SH3BGR: variants seen among roughly 807,000 people sequenced by gnomAD.
The protein encoded by SH3BGR is SH3 domain-binding glutamic acid-rich protein.
In SH3BGR, 29 loss-of-function variants were observed where a neutral mutation model predicts 24.5. The observed-to-expected ratio is 1.18, with a 90% CI of 0.88 to 1.61. SH3BGR has a LOEUF of 1.61. SH3BGR is among the 40% of genes most tolerant of loss of function. SH3BGR has a pLI of 0.00. For missense variants in SH3BGR, 162 were observed against 205.8 expected (o/e 0.79, Z 1.30); for synonymous variants, 55 against 65.7 (o/e 0.84, Z 0.79).
chr21:39,447,077 G>A (rs972496239), upstream of SH3BGR: 4 of 152,066 alleles, frequency 2.6e-5, no homozygotes, highest in Non-Finnish European at 2.9e-5. Context: ...TCCTTAGGTA[G>A]GGAATTATCC....
rs56979320 is a variant in SH3BGR at position 39,491,158 on chromosome 21, TTTTA to T, written c.313-8645_313-8642del. Among the ~76,000 whole-genome samples, 363 of 149,978 alleles carry T rather than the reference TTTTA, an allele frequency of 2.4e-3. 1 individual carries two copies. The highest frequency in any genetic ancestry group is 8.3e-3 in the African/African-American group (343 of 41,356). On this transcript the variant is annotated intron_variant, in intron 3 of 6. Coordinates refer to ENST00000333634, the MANE Select transcript of SH3BGR (RefSeq NM_007341.3). ...TCTTTATTTTTTCTATTGGCCTCCATTTTATTTATTTATTTATTTATTTTATTTT... is the reference window on the plus strand; with the variant it reads ...TCTTTATTTTTTCTATTGGCCTCCATTTTATTTATTTATTTATTTTATTTT...
intron 3 of SH3BGR, among the ~76,000 whole-genome samples, chr21:39,498,209 C>G (rs2078431474): frequency 6.6e-6 from 1 of 151,974 alleles, no homozygotes; most frequent in East Asian, 1.9e-4. Flanking sequence ...CTTAAAATAG[C>G]TTTTATGTAT....
At chr21:39,492,466 G>GTGTATATATA (rs1404293146) in intron 3 of SH3BGR, among the ~76,000 whole-genome samples, 51 of 139,770 alleles carry the variant, frequency 3.6e-4, no homozygotes, top group African/African-American at 1.3e-3. Context: ...GTGTGTGTGT[G>GTGTATATATA]TATATATATA....
chr21:39,467,861 C>A (rs983338327), intron 2 of SH3BGR, among the ~76,000 whole-genome samples: 6 of 152,176 alleles, frequency 3.9e-5, no homozygotes, highest in Admixed American at 2.6e-4. Flanking sequence ...CTACTCTATG[C>A]AGAGCAAATG....
At chr21:39,458,628 G>C (rs2077704257) in intron 1 of SH3BGR, among the ~76,000 whole-genome samples, 1 of 149,890 alleles carries the variant, frequency 6.7e-6, no homozygotes, top group African/African-American at 2.5e-5. Context: ...ATGAGCCACT[G>C]TGCCTGGCCT....
chr21:39,454,972 A>G (rs2077631623), intron 1 of SH3BGR, among the ~76,000 whole-genome samples: 1 of 152,218 alleles, frequency 6.6e-6, no homozygotes, highest in Non-Finnish European at 1.5e-5. Flanking sequence ...TCCAGTTTGC[A>G]GATGAAGAAA....
chr21:39,502,102 G>C lies in SH3BGR; in HGVS notation c.405+2187G>C, dbSNP rs2078504484. Among the ~76,000 whole-genome samples, 4 of 152,210 alleles carry C rather than the reference G, an allele frequency of 2.6e-5. No individual in the cohort carries two copies. The South Asian group carries it at 8.3e-4, about 32-fold the overall frequency. ...GTGGGAGGATCGCTTGAACCCGGGA[G>C]GCAGAGTTTGCAGTGAGCTGAGATC... On this transcript the variant is annotated intron_variant, in intron 4 of 6. Transcript: ENST00000333634.
rs889088507 is a variant in SH3BGR at position 39,515,117 on chromosome 21, A to G, written c.*64A>G. 2.1e-6 allele frequency: 1 copy of G among 470,732 alleles called. No homozygotes were observed. The highest frequency in any genetic ancestry group is 6.9e-5 in the East Asian group (1 of 14,396). 29.2% of individuals were successfully genotyped at this position (470,732 alleles called of 1,614,324 possible). On this transcript the variant is annotated 3_prime_UTR_variant, in exon 7 of 7. Transcript: ENST00000333634. Reference sequence around the variant, plus strand: ...TGGAAGCTATGAAGCAACATTTCAAATGTCTCTCCACAAACCAAACTCAAC... The same window carrying G: ...TGGAAGCTATGAAGCAACATTTCAAGTGTCTCTCCACAAACCAAACTCAAC...
chr21:39,449,958 G>T (rs2077554305), upstream of SH3BGR, among the ~76,000 whole-genome samples: 1 of 152,186 alleles, frequency 6.6e-6, no homozygotes, highest in South Asian at 2.1e-4. Context: ...TGCAGATGGA[G>T]GAGGTGTCAT....
chr21:39,492,466 G>GTGTATA (rs1404293146), intron 3 of SH3BGR, among the ~76,000 whole-genome samples: 1,951 of 139,434 alleles, frequency 0.014, 61 homozygotes, highest in African/African-American at 0.054. Flanking sequence ...GTGTGTGTGT[G>GTGTATA]TATATATATA....
At chr21:39,500,987 A>G (rs2078485266) in intron 4 of SH3BGR, among the ~76,000 whole-genome samples, 1 of 152,246 alleles carries the variant, frequency 6.6e-6, no homozygotes, top group Non-Finnish European at 1.5e-5. Context: ...TTTTGTTTTA[A>G]AGAAAGACAA....
At chr21:39,467,279 CG>C (rs2077860085) in intron 2 of SH3BGR, among the ~76,000 whole-genome samples, 1 of 151,600 alleles carries the variant, frequency 6.6e-6, no homozygotes, top group East Asian at 1.9e-4. Context: ...ATTTTAATTG[CG>C]GAGGAGAAAG....
chr21:39,468,362 A>C (rs1471250538), intron 2 of SH3BGR, among the ~76,000 whole-genome samples: 2 of 152,258 alleles, frequency 1.3e-5, no homozygotes, highest in East Asian at 3.8e-4. Flanking sequence ...CAGTTTAAGA[A>C]GGACAGTATA....
chr21:39,451,860 C>T (rs775050695), upstream of SH3BGR: 17 of 1,590,894 alleles, frequency 1.1e-5, no homozygotes, highest in African/African-American at 2.7e-5. Flanking sequence ...AAATATTTTC[C>T]TGACAGATCC....
At chr21:39,510,909 CTA>C (rs61692072) in intron 5 of SH3BGR, among the ~76,000 whole-genome samples, 3,980 of 65,758 alleles carry the variant, frequency 0.061, 86 homozygotes, top group Middle Eastern at 0.11. Flanking sequence ...ATTCTTCTAA[CTA>C]TATATATATA....
chr21:39,495,457 G>A (rs551933874), intron 3 of SH3BGR, among the ~76,000 whole-genome samples: 25 of 150,660 alleles, frequency 1.7e-4, no homozygotes, highest in African/African-American at 5.9e-4. Context: ...ATCAATCTCA[G>A]TTATGAATCA....
intron 2 of SH3BGR, among the ~76,000 whole-genome samples, chr21:39,474,330 G>A (rs966025513): frequency 6.6e-5 from 10 of 152,212 alleles, no homozygotes; most frequent in African/African-American, 2.4e-4. Flanking sequence ...GTTGGTTTGT[G>A]TGTTGCCCTG....
rs1285070184 is a variant in SH3BGR, at chr21:39,479,979, A to C, written c.312+4764A>C. On this transcript the variant is annotated intron_variant, in intron 3 of 6. Coordinates refer to ENST00000333634, the MANE Select transcript of SH3BGR (RefSeq NM_007341.3). Reference sequence around the variant, plus strand: ...CAGTGGGGCTCTGGTAAGAAGCCAAAGCAAATATCTGTTTTCAGCTTCTCA... The same window carrying C: ...CAGTGGGGCTCTGGTAAGAAGCCAACGCAAATATCTGTTTTCAGCTTCTCA... Among the ~76,000 whole-genome samples the C allele has an allele frequency of 5.3e-5, 8 of 152,266 alleles. No homozygotes were observed. The East Asian group carries it at 1.5e-3, about 29-fold the overall frequency.
At chr21:39,467,352 T>A (rs1022462983) in intron 2 of SH3BGR, among the ~76,000 whole-genome samples, 43 of 152,156 alleles carry the variant, frequency 2.8e-4, no homozygotes, top group African/African-American at 9.9e-4. Context: ...CAAATATGGA[T>A]CTAATGAAAT....
Sources: allele counts gnomAD v4.1 joint callset (sites outside exome capture counted in the v4.1 genomes callset), GRCh38; gene constraint gnomAD v4.1.1; transcripts MANE v1.5; gene names NCBI Gene and HGNC (gene_info 2026-07-23, HGNC 2026-07-21).